The following NEBL variants were observed in gnomAD, a reference collection of about 807,000 sequenced individuals.
NEBL encodes nebulette.
Under a neutral mutation model 140.2 loss-of-function variants are expected in NEBL, and 122 were observed. The observed-to-expected ratio is 0.87, with a 90% CI of 0.75 to 1.01. The LOEUF (loss-of-function observed/expected upper bound fraction) is 1.01. NEBL is among the 50% of genes least tolerant of loss of function. The pLI is 0.00. For missense variants in NEBL, 1,365 were observed against 1,231.3 expected (o/e 1.11, Z -1.62); for synonymous variants, 436 against 398.9 (o/e 1.09, Z -1.11).
chr10:21,059,012 T>C (rs1835161556), intron 2 of NEBL, among the ~76,000 whole-genome samples: 1 of 152,230 alleles, frequency 6.6e-6, no homozygotes, highest in Non-Finnish European at 1.5e-5. Flanking sequence ...ATAAAAGTAA[T>C]TAAATATTAA....
intron 1 of NEBL, among the ~76,000 whole-genome samples, chr10:21,257,940 A>T (rs893686034): frequency 1.3e-5 from 2 of 151,938 alleles, no homozygotes; most frequent in African/African-American, 4.8e-5. Context: ...CACTACATAC[A>T]TATATTGTTT....
At chr10:21,020,058 A>C (rs1056576640) in intron 3 of NEBL, 99 of 1,389,846 alleles carry the variant, frequency 7.1e-5, no homozygotes, top group Non-Finnish European at 9.0e-5. Context: ...ATCTCAGAAG[A>C]GCAGCCTTGT....
At chr10:21,077,517 G>GA (rs1270393466) in intron 2 of NEBL, among the ~76,000 whole-genome samples, 1 of 152,064 alleles carries the variant, frequency 6.6e-6, no homozygotes, top group Non-Finnish European at 1.5e-5. Flanking sequence ...TGAGGCAGGA[G>GA]AATGGCGTGA....
At chr10:20,963,452 C>A (rs974197415) in intron 3 of NEBL, among the ~76,000 whole-genome samples, 2 of 152,174 alleles carry the variant, frequency 1.3e-5, no homozygotes, top group Non-Finnish European at 2.9e-5. Context: ...AGAGAAGGCA[C>A]AATCACATAT....
At chr10:21,129,732 A>G (rs1839011769) in intron 2 of NEBL, among the ~76,000 whole-genome samples, 1 of 152,154 alleles carries the variant, frequency 6.6e-6, no homozygotes, top group Non-Finnish European at 1.5e-5. Context: ...AAAATACTTT[A>G]AAAAGCAGTA....
chr10:20,967,464 C>T (rs1836370491), intron 3 of NEBL, among the ~76,000 whole-genome samples: 1 of 152,138 alleles, frequency 6.6e-6, no homozygotes, highest in Admixed American at 6.5e-5. Context: ...CCTAGCTGTA[C>T]TCAAAATACA....
chr10:21,192,197 T>C (rs1025076246), intron 3 of NEBL, among the ~76,000 whole-genome samples: 19 of 150,270 alleles, frequency 1.3e-4, no homozygotes, highest in African/African-American at 4.0e-4. Flanking sequence ...ACTTTTTTTT[T>C]CTTTTTTTTT....
chr10:21,031,317 C>A (rs747831687), intron 2 of NEBL, among the ~76,000 whole-genome samples: 13 of 152,192 alleles, frequency 8.5e-5, no homozygotes, highest in Non-Finnish European at 1.8e-4. Flanking sequence ...CCCAGAGCTG[C>A]AGAAGCCCAA....
At chr10:20,967,127 G>T (rs1770846440) in intron 3 of NEBL, among the ~76,000 whole-genome samples, 1 of 152,088 alleles carries the variant, frequency 6.6e-6, no homozygotes, top group South Asian at 2.1e-4. Context: ...TCCAAAGAGA[G>T]AGCATCTGGA....
intron 4 of NEBL, among the ~76,000 whole-genome samples, chr10:20,924,945 T>C (rs1833818313): frequency 6.6e-6 from 1 of 151,630 alleles, no homozygotes; most frequent in South Asian, 2.1e-4. Flanking sequence ...CCCTGTCTCC[T>C]CTCCCCCATC....
intron 1 of NEBL, among the ~76,000 whole-genome samples, chr10:21,285,987 C>CGG (rs1843049832): frequency 6.6e-6 from 1 of 152,182 alleles, no homozygotes; most frequent in Admixed American, 6.5e-5. Flanking sequence ...ACATTCCATG[C>CGG]GGGGCTCAGA....
chr10:21,187,759 G>A (rs34139157), intron 3 of NEBL, among the ~76,000 whole-genome samples: 20 of 152,068 alleles, frequency 1.3e-4, no homozygotes, highest in Admixed American at 1.3e-4. Flanking sequence ...AGCAATCCTC[G>A]CACCTCAGCC....
chr10:21,084,820 G>C (rs1483037151), intron 2 of NEBL, among the ~76,000 whole-genome samples: 2 of 152,148 alleles, frequency 1.3e-5, no homozygotes, highest in Non-Finnish European at 2.9e-5. Context: ...CACTAGCACA[G>C]AGAGAACCCG....
At chr10:21,270,412 G>A (rs1190573759) in intron 1 of NEBL, among the ~76,000 whole-genome samples, 6 of 151,092 alleles carry the variant, frequency 4.0e-5, no homozygotes, top group Non-Finnish European at 8.8e-5. Flanking sequence ...TGTCACCCAG[G>A]CTGCAGTGCA....
chr10:21,249,023 T>A (rs1425033857), intron 2 of NEBL, among the ~76,000 whole-genome samples: 1 of 151,928 alleles, frequency 6.6e-6, no homozygotes, highest in Non-Finnish European at 1.5e-5. Flanking sequence ...GGTGTTTTTG[T>A]TTTTGTTTTT....
In NEBL at chr10:20,814,079, G is replaced by A. The variant is rs749133471; in HGVS notation, c.2242-36C>T. ...AATAGTAGGCATAAGACAATGATAA[G>A]AAAACACATGATGTAACATTTTTAA... On this transcript the variant is annotated intron_variant, in intron 22 of 27. Transcript: ENST00000377122. 6.4e-5 allele frequency: 78 copies of A among 1,221,150 alleles called. No homozygotes were observed. In the Admixed American group the frequency reaches 1.3e-3, roughly 20 times the overall value. The allele number at this position is 1,221,150 out of a possible 1,614,324, so 75.6% of individuals were successfully genotyped here. A position where few individuals can be genotyped will look rare whatever the true frequency, so the allele number is the denominator to read the frequency against.
chr10:21,242,751 C>G (rs959383971), intron 3 of NEBL, among the ~76,000 whole-genome samples: 5 of 152,102 alleles, frequency 3.3e-5, no homozygotes, highest in Admixed American at 2.0e-4. Flanking sequence ...TTTCAATATA[C>G]CCAGTGGCTA....
At chr10:21,175,667 C>T (rs942048530), upstream of NEBL, among the ~76,000 whole-genome samples, 9 of 152,194 alleles carry the variant, frequency 5.9e-5, no homozygotes, top group African/African-American at 2.2e-4. Context: ...AGCCCCTGAG[C>T]CACTCACTCA....
chr10:21,208,530 T>C (rs1337092972), intron 3 of NEBL, among the ~76,000 whole-genome samples: 1 of 152,160 alleles, frequency 6.6e-6, no homozygotes, highest in African/African-American at 2.4e-5. Context: ...TTATAAAGTT[T>C]ATAGGGACAG....
Sources: gnomAD v4.1 joint callset for allele counts (sites outside exome capture counted in the v4.1 genomes callset) on GRCh38, gnomAD v4.1.1 for gene constraint, MANE v1.5 for transcripts, NCBI Gene and HGNC (gene_info 2026-07-23, HGNC 2026-07-21) for gene names.